SHANK2: variants seen among roughly 807,000 people sequenced by gnomAD.
SHANK2 encodes the protein SH3 and multiple ankyrin repeat domains 2, also known as SH3 and multiple ankyrin repeat domains protein 2.
SHANK2 carries 43 observed loss-of-function variants against 133.7 expected under a neutral mutation model. The ratio of observed to expected loss-of-function variants is 0.32; its 90% CI spans 0.25 to 0.41. SHANK2 has a LOEUF of 0.41. SHANK2 is among the 10% of genes least tolerant of loss of function. SHANK2 has a pLI of 1.00. For missense variants in SHANK2, 1,994 were observed against 2,235.8 expected, an observed-to-expected ratio of 0.89 and a Z score of 2.18; for synonymous variants, 1,017 against 952.8, an observed-to-expected ratio of 1.07 and a Z score of -1.24.
At chr11:70,902,501 T>G (rs1211944573) in intron 10 of SHANK2, among the ~76,000 whole-genome samples, 2 of 152,210 alleles carry the variant, frequency 1.3e-5, no homozygotes, top group African/African-American at 4.8e-5. Context: ...GGGCTGCCTC[T>G]CAGGGGGCTC....
At chr11:70,683,718 G>A (rs1321322499) in intron 15 of SHANK2, among the ~76,000 whole-genome samples, 2 of 152,014 alleles carry the variant, frequency 1.3e-5, no homozygotes, top group African/African-American at 4.8e-5. Flanking sequence ...TTGTCTTGGG[G>A]TCAATCTCTC....
At chr11:71,235,673 C>T (rs1252283312) in intron 1 of SHANK2, among the ~76,000 whole-genome samples, 4 of 152,006 alleles carry the variant, frequency 2.6e-5, no homozygotes, top group Admixed American at 2.0e-4. Flanking sequence ...CTCTCATTCT[C>T]GACGGCTCAC....
intron 14 of SHANK2, 58 bp from the exon 15 acceptor site, chr11:70,698,821 A>G (rs1328489052): frequency 1.4e-6 from 1 of 717,780 alleles, no homozygotes; most frequent in African/African-American, 1.7e-5. Context: ...CGAACGCGGA[A>G]CCCACAGCAC....
intron 3 of SHANK2, among the ~76,000 whole-genome samples, chr11:71,146,259 C>CTGGCCCCCAGCTTGCTCTGG (rs1555106678): frequency 6.6e-6 from 1 of 152,264 alleles, no homozygotes; most frequent in Non-Finnish European, 1.5e-5. Context: ...GGCTGGGCGA[C>CTGGCCCCCAGCTTGCTCTGG]TGGCCCCCAG....
At position 70,868,282 on chromosome 11, in the gene SHANK2, G is replaced by A. The variant is rs782681657; in HGVS notation, c.1174+28219C>T. On this transcript the variant is annotated intron_variant, in intron 11 of 25. Coordinates refer to ENST00000601538, the MANE Select transcript of SHANK2 (RefSeq NM_012309.5). ...GGACACCTGTCCACGGACATGGGGC[G>A]GTGTGATCTGCTCTTGGACAACCCC... 1.8e-4 allele frequency among the ~76,000 whole-genome samples: 27 copies of A among 152,250 alleles called. No individual in the cohort carries two copies. The East Asian group carries it at 1.9e-3, about 11-fold the overall frequency.
intron 9 of SHANK2, among the ~76,000 whole-genome samples, chr11:71,062,206 G>A (rs1950996642): frequency 3.3e-5 from 5 of 152,042 alleles, no homozygotes; most frequent in Admixed American, 6.6e-5. Flanking sequence ...TCTGTCCACC[G>A]TGGCCTCTCA....
intron 2 of SHANK2, among the ~76,000 whole-genome samples, chr11:71,218,261 C>CTTTTTTT (rs71049964): frequency 1.5e-4 from 11 of 72,502 alleles, no homozygotes; most frequent in African/African-American, 3.9e-4. Flanking sequence ...TTTTCTTTTT[C>CTTTTTTT]TTTTTTTTTT....
At chr11:70,655,977 G>A (rs1386428912) in intron 17 of SHANK2, among the ~76,000 whole-genome samples, 1 of 152,154 alleles carries the variant, frequency 6.6e-6, no homozygotes, top group Admixed American at 6.5e-5. Flanking sequence ...CGCCCAGCCA[G>A]GTTTCACTGA....
chr11:70,518,158 A>G (rs2059288356), intron 17 of SHANK2, among the ~76,000 whole-genome samples: 1 of 152,214 alleles, frequency 6.6e-6, no homozygotes. Flanking sequence ...GCTGGCTCCG[A>G]GAGCACCCAC....
chr11:70,934,132 A>C (rs981706091), intron 10 of SHANK2, among the ~76,000 whole-genome samples: 11 of 151,320 alleles, frequency 7.3e-5, no homozygotes, highest in African/African-American at 2.7e-4. Flanking sequence ...CTCCATAGGC[A>C]GAGGCGGGAG....
intron 11 of SHANK2, among the ~76,000 whole-genome samples, chr11:70,846,069 G>A (rs917169791): frequency 3.9e-5 from 6 of 152,256 alleles, no homozygotes; most frequent in African/African-American, 1.2e-4. Context: ...CTGGGAAAGC[G>A]GAAGGGCAGA....
chr11:70,762,504 G>A lies in SHANK2; in HGVS notation c.1777+35939C>T, dbSNP rs545886976. On this transcript the variant is annotated intron_variant, in intron 14 of 25. Coordinates refer to ENST00000601538, the MANE Select transcript of SHANK2 (RefSeq NM_012309.5). ...GGCCATGGTGAGAGTCTTCCACCAG[G>A]GTTTTTGTGGTGCCAAGTGTCCGGG... 9.9e-5 allele frequency among the ~76,000 whole-genome samples: 15 copies of A among 152,262 alleles called. No individual in the cohort carries two copies. The South Asian group carries it at 3.1e-3, about 32-fold the overall frequency.
chr11:71,086,075 TA>T, intron 8 of SHANK2, among the ~76,000 whole-genome samples: 1 of 42,254 alleles, frequency 2.4e-5, no homozygotes, highest in African/African-American at 8.4e-5. Context: ...TATAATATAT[TA>T]TGTTATATAA....
chr11:71,190,069 G>A (rs1297149626), intron 2 of SHANK2, among the ~76,000 whole-genome samples: 4 of 152,200 alleles, frequency 2.6e-5, no homozygotes, highest in East Asian at 1.9e-4. Context: ...TCATCCACAC[G>A]TAGGTCGACC....
chr11:70,501,876 C>T, intron 20 of SHANK2, 47 bp downstream of exon 20: 1 of 1,552,532 alleles, frequency 6.4e-7, no homozygotes, highest in Non-Finnish European at 8.7e-7. Context: ...TGGGGGTGCC[C>T]TAGACAGCAG....
intron 2 of SHANK2, among the ~76,000 whole-genome samples, chr11:71,149,859 G>A (rs1952733018): frequency 9.4e-6 from 1 of 106,554 alleles, no homozygotes; most frequent in East Asian, 3.0e-4. Flanking sequence ...GGGAGGGAGG[G>A]AAGGAAAGAA....
chr11:70,556,080 G>A (rs914255775), intron 17 of SHANK2, among the ~76,000 whole-genome samples: 6 of 152,252 alleles, frequency 3.9e-5, no homozygotes, highest in African/African-American at 1.4e-4. Flanking sequence ...TGAGATCACT[G>A]ATAAAGGTGG....
In SHANK2 at chr11:70,486,233, C is replaced by T. The variant is rs374644080; in HGVS notation, c.4060G>A (p.Glu1354Lys). The T allele has an allele frequency of 1.9e-6, 3 of 1,613,978 alleles. No individual in the cohort carries two copies. The highest frequency in any genetic ancestry group is 8.5e-7 in the Non-Finnish European group (1 of 1,180,018). ...GAGATCTGTAAAGCACCTTCGGTTT[C>T]GGAAACACCTTCTGGCACCTCGGAC... ...SPSEVPEGVS[E>K]TEGALQISAA... The change falls in exon 25 of 26, where the codon GAA becomes AAA. Residue 1354 changes from glutamate (E) to lysine (K), a missense_variant. Transcript: ENST00000601538. The surrounding 1 kb of genome is among the most constrained non-coding windows in gnomAD (Gnocchi z 8.0).
intron 17 of SHANK2, among the ~76,000 whole-genome samples, chr11:70,522,123 T>G (rs2135933117): frequency 6.6e-6 from 1 of 152,324 alleles, no homozygotes; most frequent in South Asian, 2.1e-4. Flanking sequence ...TTCCGCCACG[T>G]GATTCTGACT....
Sources: gnomAD v4.1 joint callset for allele counts (sites outside exome capture counted in the v4.1 genomes callset) on GRCh38, gnomAD v4.1.1 for gene constraint, Gnocchi (gnomAD v3.1) non-coding constraint, MANE v1.5 for transcripts, NCBI Gene and HGNC (gene_info 2026-07-23, HGNC 2026-07-21) for gene names.